The following SOX5 variants were observed in gnomAD, a reference collection of about 807,000 sequenced individuals.
SOX5 encodes the protein SRY-box transcription factor 5, also known as transcription factor SOX-5.
A neutral mutation model predicts 92.0 loss-of-function variants in SOX5; 9 were observed. The ratio of observed to expected loss-of-function variants is 0.10; its 90% CI spans 0.06 to 0.17. The LOEUF is 0.17. Among genes scored for constraint, SOX5 ranks in the 10% least tolerant of loss-of-function variants. The pLI is 1.00. For synonymous variants in SOX5, 344 were observed against 336.3 expected, an observed-to-expected ratio of 1.02 and a Z score of -0.25; for missense variants, 642 against 944.5, an observed-to-expected ratio of 0.68 and a Z score of 4.20.
intron 1 of SOX5, among the ~76,000 whole-genome samples, chr12:24,418,978 T>C (rs766258271): frequency 3.3e-5 from 5 of 152,274 alleles, no homozygotes; most frequent in Non-Finnish European, 5.9e-5. Flanking sequence ...GTTACCTAGA[T>C]TGGCCCAGAA....
At chr12:24,259,572 T>A (rs1941778685) in intron 3 of SOX5, among the ~76,000 whole-genome samples, 1 of 152,130 alleles carries the variant, frequency 6.6e-6, no homozygotes, top group South Asian at 2.1e-4. Flanking sequence ...AAATGCTAAA[T>A]GGAATATGAT....
chr12:24,337,606 C>T (rs1011963560), intron 2 of SOX5, among the ~76,000 whole-genome samples: 1 of 152,178 alleles, frequency 6.6e-6, no homozygotes, highest in Non-Finnish European at 1.5e-5. Flanking sequence ...TCCCAAAGTG[C>T]TGGGATTACA....
intron 1 of SOX5, among the ~76,000 whole-genome samples, chr12:24,374,516 TACAC>T (rs148748308): frequency 3.4e-5 from 5 of 146,402 alleles, no homozygotes; most frequent in African/African-American, 1.2e-4. Flanking sequence ...CACACACACA[TACAC>T]ACACACACAC....
At chr12:23,630,991 T>G (rs1450849894) in intron 8 of SOX5, among the ~76,000 whole-genome samples, 1 of 151,980 alleles carries the variant, frequency 6.6e-6, no homozygotes, top group Non-Finnish European at 1.5e-5. Flanking sequence ...TTAAGTACAT[T>G]TTTCTGTGTA....
At chr12:24,211,528 A>G (rs1467826761) in intron 4 of SOX5, among the ~76,000 whole-genome samples, 3 of 152,254 alleles carry the variant, frequency 2.0e-5, no homozygotes, top group Non-Finnish European at 4.4e-5. Flanking sequence ...ATATTAGTAT[A>G]ATCCAAAGTG....
chr12:24,094,776 C>T (rs1945118972), intron 4 of SOX5, among the ~76,000 whole-genome samples: 1 of 152,144 alleles, frequency 6.6e-6, no homozygotes, highest in African/African-American at 2.4e-5. Flanking sequence ...ACACATCTTG[C>T]ATTCATATAT....
At chr12:24,419,727 T>C (rs1385843130) in intron 1 of SOX5, among the ~76,000 whole-genome samples, 1 of 152,240 alleles carries the variant, frequency 6.6e-6, no homozygotes, top group Non-Finnish European at 1.5e-5. Context: ...ACAGAATGTA[T>C]ACATTTACAT....
chr12:23,799,932 T>A (rs1198564375), intron 3 of SOX5, among the ~76,000 whole-genome samples: 3 of 152,076 alleles, frequency 2.0e-5, no homozygotes, highest in African/African-American at 4.8e-5. Flanking sequence ...TAATTTTCAA[T>A]AATGTAAGTT....
At chr12:23,903,907 A>C (rs572669024) in intron 1 of SOX5, among the ~76,000 whole-genome samples, 197 of 152,374 alleles carry the variant, frequency 1.3e-3, no homozygotes, top group African/African-American at 4.6e-3. Context: ...GAGCTTGAAT[A>C]GAAAGGTTTC....
intron 1 of SOX5, among the ~76,000 whole-genome samples, chr12:24,538,424 A>G (rs1566422361): frequency 6.6e-6 from 1 of 152,148 alleles, no homozygotes; most frequent in Non-Finnish European, 1.5e-5. Context: ...GTGACTCAAC[A>G]GGCCAATTTT....
At chr12:23,712,200 T>A (rs879305697) in intron 6 of SOX5, among the ~76,000 whole-genome samples, 2 of 152,166 alleles carry the variant, frequency 1.3e-5, no homozygotes, top group African/African-American at 2.4e-5. Context: ...GTTTAAAAAT[T>A]TGACTGAATT....
At chr12:23,572,405 T>A (rs1478282660) in intron 10 of SOX5, among the ~76,000 whole-genome samples, 1 of 152,060 alleles carries the variant, frequency 6.6e-6, no homozygotes, top group Non-Finnish European at 1.5e-5. Context: ...TGTAGTAGAC[T>A]TAAATCCTTG....
At chr12:24,022,135 G>A (rs958427084) in intron 4 of SOX5, among the ~76,000 whole-genome samples, 8 of 152,214 alleles carry the variant, frequency 5.3e-5, no homozygotes, top group South Asian at 2.1e-4. Context: ...ATAAACAAAC[G>A]CAGAATCATA....
At chr12:24,536,640 T>G (rs1413068414) in intron 1 of SOX5, among the ~76,000 whole-genome samples, 1 of 152,204 alleles carries the variant, frequency 6.6e-6, no homozygotes, top group African/African-American at 2.4e-5. Flanking sequence ...TAATTAAGAT[T>G]CAGAAAAGTC....
intron 1 of SOX5, among the ~76,000 whole-genome samples, chr12:24,481,717 A>G (rs1265841546): frequency 6.6e-6 from 1 of 152,170 alleles, no homozygotes; most frequent in Non-Finnish European, 1.5e-5. Flanking sequence ...AGGTTCCCAC[A>G]GCTAGCAGAG....
At chr12:23,929,688 C>A (rs964147304) in intron 1 of SOX5, among the ~76,000 whole-genome samples, 4 of 151,890 alleles carry the variant, frequency 2.6e-5, no homozygotes, top group African/African-American at 7.2e-5. Context: ...ATAATCTATA[C>A]TTTTACAATT....
intron 8 of SOX5, among the ~76,000 whole-genome samples, chr12:23,604,736 T>G (rs1410084487): frequency 6.6e-6 from 1 of 152,168 alleles, no homozygotes; most frequent in East Asian, 1.9e-4. Context: ...ATATAAGTGA[T>G]CTCACCTTCA....
intron 3 of SOX5, among the ~76,000 whole-genome samples, chr12:23,810,038 T>C (rs1006066016): frequency 2.0e-5 from 3 of 152,148 alleles, no homozygotes; most frequent in African/African-American, 7.2e-5. Context: ...AACATCCTAC[T>C]GAGTATTTTC....
intron 4 of SOX5, among the ~76,000 whole-genome samples, chr12:24,010,939 CAA>C (rs781273458): frequency 2.3e-5 from 3 of 127,678 alleles, no homozygotes; most frequent in African/African-American, 5.8e-5. Context: ...GCTCCATTTC[CAA>C]AAAAAAAAAA....
Sources: gnomAD v4.1 joint callset for allele counts (sites outside exome capture counted in the v4.1 genomes callset) on GRCh38, gnomAD v4.1.1 for gene constraint, MANE v1.5 for transcripts, NCBI Gene and HGNC (gene_info 2026-07-23, HGNC 2026-07-21) for gene names.